Variants in PTER observed in about 807,000 individuals in gnomAD.
The protein encoded by PTER is N-acetyltaurine hydrolase.
In PTER, 38 loss-of-function variants were observed where a neutral mutation model predicts 29.6. The observed-to-expected ratio is 1.28, with a 90% CI of 0.99 to 1.68. The LOEUF (loss-of-function observed/expected upper bound fraction) is 1.68, where lower values mean the gene tolerates loss of function less well. Among genes scored for constraint, PTER ranks in the 40% most tolerant of loss-of-function variants. The pLI, the probability that PTER is intolerant of heterozygous loss-of-function variation, is 0.00. For missense variants in PTER, 482 were observed against 427.8 expected (o/e 1.13, Z -1.12); for synonymous variants, 172 against 154.5 (o/e 1.11, Z -0.84).
chr10:16,478,280 A>G (rs1835350631), intron 1 of PTER, among the ~76,000 whole-genome samples: 1 of 151,230 alleles, frequency 6.6e-6, no homozygotes, highest in Non-Finnish European at 1.5e-5. Context: ...TTGCACTTCG[A>G]TCTGGGTTGA....
intron 1 of PTER, among the ~76,000 whole-genome samples, chr10:16,438,920 C>CA (rs71374688): frequency 0.019 from 1,878 of 101,306 alleles, 87 homozygotes; most frequent in African/African-American, 0.057. Context: ...GACTCTGTCT[C>CA]AAAAAAAAAA....
chr10:16,471,416 A>T (rs1276118133), intron 1 of PTER, among the ~76,000 whole-genome samples: 2 of 152,184 alleles, frequency 1.3e-5, no homozygotes, highest in African/African-American at 4.8e-5. Context: ...TACTGATTAT[A>T]AATGTTATAA....
At chr10:16,449,656 G>A (rs1405593103) in intron 1 of PTER, among the ~76,000 whole-genome samples, 2 of 151,636 alleles carry the variant, frequency 1.3e-5, no homozygotes, top group Admixed American at 6.6e-5. Flanking sequence ...TGAGTGACTG[G>A]TGTTCCCACT....
chr10:16,505,078 T>C lies in PTER; in HGVS notation c.757T>C (p.Tyr253His), dbSNP rs770765001. 62 of 1,614,058 alleles carry C rather than the reference T, an allele frequency of 3.8e-5. No individual in the cohort carries two copies. Among genetic ancestry groups the C allele is most frequent in the Non-Finnish European group, 4.3e-5 (51 of 1,179,922 alleles). ...EFAQLGCYLE[Y>H]DLFGTELLHY... ...TGCTCAACTTGGCTGCTACTTGGAATATGATCTCTTTGGTACTGAACTACT... is the reference window on the plus strand; with the variant it reads ...TGCTCAACTTGGCTGCTACTTGGAACATGATCTCTTTGGTACTGAACTACT... Residue 253 changes from tyrosine to histidine, a missense_variant, in exon 4 of 5, where the codon TAT becomes CAT. Transcript: ENST00000535784.
At chr10:16,440,473 T>C (rs1483162742) in intron 1 of PTER, among the ~76,000 whole-genome samples, 2 of 152,184 alleles carry the variant, frequency 1.3e-5, no homozygotes, top group African/African-American at 4.8e-5. Context: ...ACTGGCTCTG[T>C]GGTTGTACCT....
At chr10:16,442,360 T>C (rs1235028422) in intron 1 of PTER, among the ~76,000 whole-genome samples, 1 of 152,268 alleles carries the variant, frequency 6.6e-6, no homozygotes, top group Non-Finnish European at 1.5e-5. Flanking sequence ...TCTTGCTCTC[T>C]AACAGTTTGG....
intron 1 of PTER, among the ~76,000 whole-genome samples, chr10:16,461,540 C>G (rs997691734): frequency 6.6e-6 from 1 of 152,106 alleles, no homozygotes; most frequent in Admixed American, 6.6e-5. Flanking sequence ...AGTAAATCAG[C>G]TTTCAGGAGT....
intron 1 of PTER, among the ~76,000 whole-genome samples, chr10:16,468,376 T>C (rs1484921943): frequency 4.0e-5 from 1 of 25,166 alleles, no homozygotes; most frequent in Non-Finnish European, 6.5e-5. Flanking sequence ...GTTTAGCTCT[T>C]TTTTTTTTTT....
intron 1 of PTER, among the ~76,000 whole-genome samples, chr10:16,465,788 C>T (rs1452070227): frequency 6.6e-6 from 1 of 152,032 alleles, no homozygotes; most frequent in Non-Finnish European, 1.5e-5. Context: ...ATAGTTCTGC[C>T]TGGCTGGGGA....
At chr10:16,477,165 G>A (rs1277606797) in intron 1 of PTER, among the ~76,000 whole-genome samples, 1 of 152,010 alleles carries the variant, frequency 6.6e-6, no homozygotes, top group African/African-American at 2.4e-5. Context: ...TGGCCTCCCA[G>A]AGTGCTGGGA....
chr10:16,454,293 T>A (rs1369173266), intron 1 of PTER, among the ~76,000 whole-genome samples: 2 of 152,050 alleles, frequency 1.3e-5, no homozygotes, highest in African/African-American at 4.8e-5. Context: ...AAAATTAACC[T>A]GCCAGGCACG....
downstream of PTER, chr10:16,514,607 T>C: frequency 6.2e-7 from 1 of 1,613,938 alleles, no homozygotes; most frequent in Non-Finnish European, 8.5e-7. Flanking sequence ...GCCATCTAAT[T>C]TGATATAGAC....
chr10:16,444,312 C>T lies in PTER; in HGVS notation c.-49+7265C>T, dbSNP rs150527544. 7.6e-3 allele frequency among the ~76,000 whole-genome samples: 1,145 copies of T among 151,222 alleles called. 13 individuals are homozygous for T. The highest frequency in any genetic ancestry group is 0.026 in the African/African-American group (1,087 of 41,238). ...CCGGCCTCTTTTCTTTTTTTTGAGA[C>T]GGTGTCTTGCTCTGTCACCCAGGCC... On this transcript the variant is annotated intron_variant, in intron 1 of 4. Coordinates refer to ENST00000535784, the MANE Select transcript of PTER (RefSeq NM_001261836.2).
chr10:16,491,130 C>G (rs1398173395), intron 3 of PTER, among the ~76,000 whole-genome samples: 2 of 152,068 alleles, frequency 1.3e-5, no homozygotes, highest in East Asian at 1.9e-4. Context: ...CAGACAAACT[C>G]AGAACATTCT....
chr10:16,493,224 T>C (rs921451623), intron 3 of PTER, among the ~76,000 whole-genome samples: 3 of 152,154 alleles, frequency 2.0e-5, no homozygotes, highest in Non-Finnish European at 2.9e-5. Flanking sequence ...TTAATCCCTC[T>C]GAATATTCGT....
chr10:16,465,615 C>G (rs1411877), intron 1 of PTER, among the ~76,000 whole-genome samples: 1 of 151,950 alleles, frequency 6.6e-6, no homozygotes, highest in South Asian at 2.1e-4. Context: ...CAGTATGGAA[C>G]TGAAGGGTGG....
intron 1 of PTER, among the ~76,000 whole-genome samples, chr10:16,483,252 G>A (rs944586994): frequency 1.2e-4 from 18 of 152,130 alleles, no homozygotes; most frequent in Admixed American, 3.3e-4. Context: ...AGAGATAGCC[G>A]ATTTCAGTTT....
chr10:16,504,667 A>T (rs1012094559), intron 3 of PTER, among the ~76,000 whole-genome samples: 2 of 152,180 alleles, frequency 1.3e-5, no homozygotes, highest in African/African-American at 4.8e-5. Flanking sequence ...AGAGGATGAA[A>T]ATTTACCCCA....
At chr10:16,456,191 G>A (rs750982624) in intron 1 of PTER, among the ~76,000 whole-genome samples, 4 of 152,142 alleles carry the variant, frequency 2.6e-5, no homozygotes, top group Admixed American at 6.5e-5. Context: ...TCTAAAATAC[G>A]TACATTCTTT....
Sources: allele counts gnomAD v4.1 joint callset (sites outside exome capture counted in the v4.1 genomes callset), GRCh38; gene constraint gnomAD v4.1.1; transcripts MANE v1.5; gene names NCBI Gene and HGNC (gene_info 2026-07-23, HGNC 2026-07-21).